Variants in RBFOX1 observed in about 807,000 individuals in gnomAD.
The protein encoded by RBFOX1 is RNA binding fox-1 homolog 1, also known as RNA binding protein fox-1 homolog 1.
In RBFOX1, 8 loss-of-function variants were observed where a neutral mutation model predicts 57.7. The ratio of observed to expected loss-of-function variants is 0.14; its 90% CI spans 0.08 to 0.25. The LOEUF (loss-of-function observed/expected upper bound fraction) is 0.25, where lower values mean the gene tolerates loss of function less well. Ranked by LOEUF, RBFOX1 falls within the 10% of genes least tolerant of loss-of-function variation. The pLI, the probability that RBFOX1 is intolerant of heterozygous loss-of-function variation, is 1.00. For missense variants in RBFOX1, 611 were observed against 548.5 expected (o/e 1.11, Z -1.14); for synonymous variants, 326 against 222.4 (o/e 1.47, Z -4.15).
intron 3 of RBFOX1, among the ~76,000 whole-genome samples, chr16:5,786,923 G>A (rs927943361): frequency 1.3e-5 from 2 of 152,164 alleles, no homozygotes; most frequent in African/African-American, 2.4e-5. Context: ...GTCACTTGAG[G>A]TCAGGAGATC....
At chr16:5,307,931 G>GC (rs2063981012) in intron 1 of RBFOX1, among the ~76,000 whole-genome samples, 1 of 152,114 alleles carries the variant, frequency 6.6e-6, no homozygotes, top group African/African-American at 2.4e-5. Flanking sequence ...TCCTGTCTTG[G>GC]CCTCCCAGAG....
chr16:6,887,596 T>G (rs919012123), intron 3 of RBFOX1, among the ~76,000 whole-genome samples: 2 of 151,976 alleles, frequency 1.3e-5, no homozygotes, highest in African/African-American at 4.8e-5. Context: ...CATATCACCA[T>G]AGAGGTCTTC....
chr16:5,847,074 G>T (rs1254490681), intron 3 of RBFOX1, among the ~76,000 whole-genome samples: 1 of 152,192 alleles, frequency 6.6e-6, no homozygotes, highest in African/African-American at 2.4e-5. Context: ...TCTTGTAGCA[G>T]GGAATAGGGA....
chr16:6,951,676 C>T (rs752588266), intron 3 of RBFOX1, among the ~76,000 whole-genome samples: 2 of 152,118 alleles, frequency 1.3e-5, no homozygotes, highest in African/African-American at 2.4e-5. Flanking sequence ...CTCATGGATT[C>T]AGTGAGTCAC....
chr16:5,350,743 G>A (rs1174469092), intron 1 of RBFOX1, among the ~76,000 whole-genome samples: 1 of 152,206 alleles, frequency 6.6e-6, no homozygotes, highest in Non-Finnish European at 1.5e-5. Flanking sequence ...GTGGGCGCCT[G>A]TAACCCCAGC....
At chr16:7,322,130 T>A (rs1197827221) in intron 4 of RBFOX1, among the ~76,000 whole-genome samples, 1 of 152,242 alleles carries the variant, frequency 6.6e-6, no homozygotes, top group African/African-American at 2.4e-5. Context: ...TAACATATTT[T>A]TTCCCCTGGT....
At chr16:5,295,863 C>G (rs778093767) in intron 1 of RBFOX1, among the ~76,000 whole-genome samples, 6 of 152,180 alleles carry the variant, frequency 3.9e-5, no homozygotes, top group Non-Finnish European at 8.8e-5. Context: ...CCATAGTTTT[C>G]TCTACATAGA....
At chr16:7,314,504 C>A (rs2096393631) in intron 4 of RBFOX1, among the ~76,000 whole-genome samples, 1 of 152,186 alleles carries the variant, frequency 6.6e-6, no homozygotes, top group South Asian at 2.1e-4. Flanking sequence ...CACTTAGACA[C>A]ATTTTCATTG....
chr16:6,774,421 C>G (rs939322948), intron 3 of RBFOX1, among the ~76,000 whole-genome samples: 3 of 152,160 alleles, frequency 2.0e-5, no homozygotes, highest in Non-Finnish European at 4.4e-5. Flanking sequence ...AAAACTGGGA[C>G]TCTAAATAAT....
Position 5,388,086 on chromosome 16 carries a change from C to G in RBFOX1, c.220-79130C>G, listed in dbSNP as rs567257572. ...GGAAGGAACACAACCCTCCTGACAC[C>G]TTGATTATGGCTCAGGGAGAACTAT... On this transcript the variant is annotated intron_variant, in intron 1 of 2. Coordinates refer to the RBFOX1 transcript ENST00000585867. 2.8e-4 allele frequency among the ~76,000 whole-genome samples: 42 copies of G among 152,286 alleles called. 1 individual carries two copies. Among genetic ancestry groups the G allele is most frequent in the African/African-American group, 9.4e-4 (39 of 41,560 alleles).
chr16:6,217,750 C>G (rs890013023), intron 1 of RBFOX1, among the ~76,000 whole-genome samples: 1 of 152,164 alleles, frequency 6.6e-6, no homozygotes, highest in Non-Finnish European at 1.5e-5. Context: ...CACAGTGGCT[C>G]GTGCCTGTAA....
intron 4 of RBFOX1, among the ~76,000 whole-genome samples, chr16:7,259,588 A>C (rs1211076006): frequency 6.6e-6 from 1 of 152,168 alleles, no homozygotes; most frequent in Non-Finnish European, 1.5e-5. Context: ...TTAAGATAAA[A>C]AGTAGTTTAA....
intron 4 of RBFOX1, among the ~76,000 whole-genome samples, chr16:5,925,147 A>G (rs1349615013): frequency 1.3e-5 from 2 of 152,156 alleles, no homozygotes; most frequent in African/African-American, 2.4e-5. Flanking sequence ...CTCTGCAGAC[A>G]AACTTCCCTT....
intron 1 of RBFOX1, among the ~76,000 whole-genome samples, chr16:5,459,547 C>T (rs775641556): frequency 3.3e-5 from 5 of 152,146 alleles, no homozygotes; most frequent in Admixed American, 6.5e-5. Flanking sequence ...TCTCAAATGC[C>T]GCATGTCCAC....
chr16:6,461,295 A>T (rs2094913028), intron 2 of RBFOX1, among the ~76,000 whole-genome samples: 1 of 152,212 alleles, frequency 6.6e-6, no homozygotes, highest in Non-Finnish European at 1.5e-5. Flanking sequence ...AACACTGGTC[A>T]TAGTGGATTA....
chr16:6,896,410 C>G (rs907461978), intron 3 of RBFOX1, among the ~76,000 whole-genome samples: 5 of 152,052 alleles, frequency 3.3e-5, no homozygotes, highest in African/African-American at 1.2e-4. Context: ...ACTCATCAAC[C>G]ATCCCTACTT....
chr16:7,271,473 G>A (rs1221587111), intron 4 of RBFOX1, among the ~76,000 whole-genome samples: 2 of 151,614 alleles, frequency 1.3e-5, no homozygotes, highest in Non-Finnish European at 2.9e-5. Flanking sequence ...ATTTTTGCCA[G>A]TTTCTTTGTA....
intron 4 of RBFOX1, among the ~76,000 whole-genome samples, chr16:7,368,779 CAA>C (rs5815399): frequency 0.75 from 94,983 of 127,424 alleles, 34,565 homozygotes; most frequent in East Asian, 0.96. Flanking sequence ...GACTCTGTCT[CAA>C]AAAAAAAAAA....
At chr16:6,456,673 CG>C (rs2094781710) in intron 2 of RBFOX1, among the ~76,000 whole-genome samples, 1 of 152,044 alleles carries the variant, frequency 6.6e-6, no homozygotes. Flanking sequence ...AGTTAGAGGG[CG>C]GTTGCAGGCT....
Sources: allele counts gnomAD v4.1 joint callset (sites outside exome capture counted in the v4.1 genomes callset), GRCh38; gene constraint gnomAD v4.1.1; transcripts MANE v1.5; gene names NCBI Gene and HGNC (gene_info 2026-07-23, HGNC 2026-07-21).